CTNNA2: variants seen among roughly 807,000 people sequenced by gnomAD.
CTNNA2 encodes the protein catenin alpha 2.
Under a neutral mutation model 101.0 loss-of-function variants are expected in CTNNA2, and 42 were observed. That is an observed-to-expected ratio of 0.42 (90% CI 0.32 to 0.54). The LOEUF (loss-of-function observed/expected upper bound fraction) is 0.54. Among genes scored for constraint, CTNNA2 ranks in the 20% least tolerant of loss-of-function variants. CTNNA2 has a pLI of 0.14. For missense variants in CTNNA2, 871 were observed against 1,223.1 expected (o/e 0.71, Z 4.29); for synonymous variants, 450 against 456.4 (o/e 0.99, Z 0.18).
At chr2:79,832,729 T>C (rs2105433884) in intron 3 of CTNNA2, among the ~76,000 whole-genome samples, 1 of 152,268 alleles carries the variant, frequency 6.6e-6, no homozygotes, top group Non-Finnish European at 1.5e-5. Flanking sequence ...AGTGCATGCA[T>C]TCCTGAATCA....
intron 7 of CTNNA2, among the ~76,000 whole-genome samples, chr2:80,035,760 T>C (rs1695605970): frequency 6.6e-6 from 1 of 152,204 alleles, no homozygotes. Flanking sequence ...AGGAACTGGA[T>C]AAAGTGAATT....
At chr2:79,639,213 T>C (rs1363588799) in intron 1 of CTNNA2, among the ~76,000 whole-genome samples, 2 of 152,172 alleles carry the variant, frequency 1.3e-5, no homozygotes, top group Non-Finnish European at 2.9e-5. Context: ...GTTCCTGCTT[T>C]TACAATCTGA....
At chr2:79,571,788 C>G (rs1238432260) in intron 1 of CTNNA2, among the ~76,000 whole-genome samples, 1 of 152,154 alleles carries the variant, frequency 6.6e-6, no homozygotes, top group African/African-American at 2.4e-5. Context: ...AGTTGATCTA[C>G]TCACTTTTAT....
chr2:79,869,847 C>G lies in CTNNA2; in HGVS notation c.497C>G (p.Ala166Gly). 1 of 1,614,026 alleles carries G rather than the reference C, an allele frequency of 6.2e-7. No homozygotes were observed. The highest frequency in any genetic ancestry group is 1.1e-5 in the South Asian group (1 of 91,068). ...GAGGCCCTGGAAGCTGTCAAAAATG[C>G]TACAAATGAGCAAGACCTTGCAAAC... ...VEEALEAVKN[A>G]TNEQDLANRF... Residue 166 changes from alanine to glycine, a missense_variant, in exon 5 of 19, where the codon GCT (alanine) becomes GGT (glycine). By Grantham distance (60) the Ala-to-Gly change is moderately conservative. Coordinates refer to ENST00000402739, the MANE Select transcript of CTNNA2 (RefSeq NM_001282597.3).
intron 2 of CTNNA2, among the ~76,000 whole-genome samples, chr2:79,286,916 T>C (rs898759345): frequency 6.6e-6 from 1 of 152,212 alleles, no homozygotes; most frequent in Non-Finnish European, 1.5e-5. Context: ...TTTGGTCTTT[T>C]CACATAGTCC....
chr2:79,641,565 C>A (rs555257652), intron 1 of CTNNA2, among the ~76,000 whole-genome samples: 96 of 152,234 alleles, frequency 6.3e-4, no homozygotes, highest in Non-Finnish European at 1.2e-3. Flanking sequence ...ACAATGTTAA[C>A]CTTTGGTCAA....
At chr2:79,870,127 C>T (rs1682471289) in intron 5 of CTNNA2, among the ~76,000 whole-genome samples, 192 bp downstream of exon 5, 1 of 152,178 alleles carries the variant, frequency 6.6e-6, no homozygotes, top group South Asian at 2.1e-4. Context: ...CTCTCTGGCC[C>T]CCACCTATAA....
chr2:79,886,612 G>A (rs753669340), intron 6 of CTNNA2, among the ~76,000 whole-genome samples: 18 of 151,150 alleles, frequency 1.2e-4, no homozygotes, highest in South Asian at 2.1e-4. Context: ...TTAGTTAGGC[G>A]TGGTGGCGGG....
rs1380536356 is a variant in CTNNA2 at position 79,338,595 on chromosome 2, C to CTTCTTCTTT, written c.-318+25807_-318+25808insTTTCTTCTT. On this transcript the variant is annotated intron_variant, in intron 3 of 21. Coordinates refer to the CTNNA2 transcript ENST00000466387. Reference sequence around the variant, plus strand: ...TCCTCATCATCTTCTTCTTCTTCTTCTTCTTCTTCTTCTTCTTCTTCTTCT... The same window carrying CTTCTTCTTT: ...TCCTCATCATCTTCTTCTTCTTCTTCTTCTTCTTTTTCTTCTTCTTCTTCTTCTTCTTCT... 8.4e-5 allele frequency among the ~76,000 whole-genome samples: 12 copies of CTTCTTCTTT among 143,488 alleles called. 1 individual carries two copies. In the East Asian group the frequency reaches 1.2e-3, roughly 14 times the overall value. The allele number at this position is 143,488 out of a possible 152,430, so 94.1% of individuals were successfully genotyped here. A position where few individuals can be genotyped will look rare whatever the true frequency, so the allele number is the denominator to read the frequency against.
chr2:79,497,232 A>C (rs1475480186), intron 4 of CTNNA2, among the ~76,000 whole-genome samples: 1 of 152,196 alleles, frequency 6.6e-6, no homozygotes, highest in Non-Finnish European at 1.5e-5. Context: ...CTTTCAGCCC[A>C]GCTCACAACG....
intron 2 of CTNNA2, among the ~76,000 whole-genome samples, chr2:79,678,046 C>T (rs575103727): frequency 2.0e-5 from 3 of 152,092 alleles, no homozygotes; most frequent in Non-Finnish European, 2.9e-5. Context: ...ATGGTCATGA[C>T]GGTGGTGGTG....
At chr2:79,829,394 CACACACACACACACACACACAG>C (rs2105416358) in intron 3 of CTNNA2, among the ~76,000 whole-genome samples, 3 of 149,516 alleles carry the variant, frequency 2.0e-5, no homozygotes, top group South Asian at 2.2e-4. Flanking sequence ...CACACACACA[CACACACACACACACACACACAG>C]ACACAAAGCC....
intron 12 of CTNNA2, among the ~76,000 whole-genome samples, chr2:80,565,101 A>G (rs139430433): frequency 0.01 from 1,558 of 151,684 alleles, 28 homozygotes; most frequent in African/African-American, 0.036. Flanking sequence ...AGAATATTGG[A>G]TGAAACTGGG....
At chr2:80,149,747 A>T (rs775102617) in intron 7 of CTNNA2, among the ~76,000 whole-genome samples, 24 of 150,570 alleles carry the variant, frequency 1.6e-4, no homozygotes, top group Non-Finnish European at 2.9e-4. Flanking sequence ...TCAACTCTAG[A>T]TTCAGGGAAT....
intron 1 of CTNNA2, among the ~76,000 whole-genome samples, chr2:79,578,926 A>G (rs1675966250): frequency 6.6e-6 from 1 of 152,066 alleles, no homozygotes; most frequent in African/African-American, 2.4e-5. Context: ...TCTCTGCCTT[A>G]TAACTATTAT....
intron 7 of CTNNA2, among the ~76,000 whole-genome samples, chr2:80,321,963 G>A (rs934426853): frequency 1.3e-5 from 2 of 151,368 alleles, no homozygotes; most frequent in Admixed American, 6.6e-5. Context: ...TTTTAAAAAG[G>A]TGTATTAGGT....
chr2:80,055,197 C>G (rs1697140260), intron 7 of CTNNA2, among the ~76,000 whole-genome samples: 1 of 151,944 alleles, frequency 6.6e-6, no homozygotes, highest in African/African-American at 2.4e-5. Context: ...CAGCTCACTT[C>G]TTTTCATTTT....
intron 7 of CTNNA2, among the ~76,000 whole-genome samples, chr2:79,979,238 C>T (rs1691083543): frequency 6.6e-6 from 1 of 152,114 alleles, no homozygotes; most frequent in Admixed American, 6.6e-5. Context: ...AAAAAACTAT[C>T]CAGGTGCAGT....
chr2:80,181,165 A>G (rs1330979165), intron 7 of CTNNA2, among the ~76,000 whole-genome samples: 1 of 152,118 alleles, frequency 6.6e-6, no homozygotes, highest in Non-Finnish European at 1.5e-5. Context: ...AGAAGCAAAC[A>G]GGTTTGGGGT....
Sources: allele counts gnomAD v4.1 joint callset (sites outside exome capture counted in the v4.1 genomes callset), GRCh38; gene constraint gnomAD v4.1.1; transcripts MANE v1.5; gene names NCBI Gene and HGNC (gene_info 2026-07-23, HGNC 2026-07-21).